ARAP3: variants seen among roughly 807,000 people sequenced by gnomAD.
The protein encoded by ARAP3 is arf-GAP with Rho-GAP domain, ANK repeat and PH domain-containing protein 3.
Under a neutral mutation model 169.2 loss-of-function variants are expected in ARAP3, and 82 were observed. That is an observed-to-expected ratio of 0.48 (90% CI 0.41 to 0.58). ARAP3 has a LOEUF of 0.58. Among genes scored for constraint, ARAP3 ranks in the 20% least tolerant of loss-of-function variants. ARAP3 has a pLI of 0.00. For synonymous variants in ARAP3, 791 were observed against 800.3 expected (o/e 0.99, Z 0.20); for missense variants, 1,764 against 2,018.0 (o/e 0.87, Z 2.41).
At position 141,673,721 on chromosome 5, in the gene ARAP3, G is replaced by A. The variant is rs370631550; in HGVS notation, c.786C>T (p.Thr262=). Reference sequence around the variant, plus strand: ...CATCACTGGTCTCCTCTGTTTCCAGGGTGGGCGATAAGAGGGTGGAGTCTC... The same window carrying A: ...CATCACTGGTCTCCTCTGTTTCCAGAGTGGGCGATAAGAGGGTGGAGTCTC... ...LPGDSTLLSP[T]LETEETSDDL... is the part of the protein sequence containing the mutation. Residue 262 remains threonine (T), a synonymous_variant, in exon 5 of 33, where the codon ACC becomes ACT. Coordinates refer to ENST00000239440, the MANE Select transcript of ARAP3 (RefSeq NM_022481.6). The A allele has an allele frequency of 5.6e-6, 9 of 1,614,082 alleles. No individual in the cohort carries two copies. The highest frequency in any genetic ancestry group is 7.6e-6 in the Non-Finnish European group (9 of 1,180,054).
chr5:141,681,592 C>T (rs1162852638), intron 1 of ARAP3, among the ~76,000 whole-genome samples: 1 of 152,152 alleles, frequency 6.6e-6, no homozygotes, highest in Non-Finnish European at 1.5e-5. Context: ...TTCTTTGTCC[C>T]TCTCCTTGTC....
In ARAP3 at chr5:141,654,422, G is replaced by T. The variant is rs1246235692; in HGVS notation, c.4163C>A (p.Ser1388Tyr). 2 of 1,585,330 alleles carry T rather than the reference G, an allele frequency of 1.3e-6. No homozygotes were observed. The highest frequency in any genetic ancestry group is 4.5e-5 in the East Asian group (2 of 44,546). Residue 1388 changes from serine to tyrosine, a missense_variant, in exon 33 of 33, where the codon TCC (serine) becomes TAC (tyrosine). By Grantham distance (144) the Ser-to-Tyr change is moderately radical (BLOSUM62 -2). Coordinates refer to ENST00000239440, the MANE Select transcript of ARAP3 (RefSeq NM_022481.6). ...TLSMFFPMKS[S>Y]QGSVEEQEEL... ...CTCTTGCTCCTCCACAGACCCCTGG[G>T]ATGACTTCATTGGCTGGATGGGAAT...
At chr5:141,655,829 G>A (rs751443149) in intron 30 of ARAP3, 40 bp downstream of exon 30, 1 of 1,614,048 alleles carries the variant, frequency 6.2e-7, no homozygotes, top group East Asian at 2.2e-5. Flanking sequence ...GGCCCCAGGG[G>A]GACCACAGAC....
At position 141,654,346 on chromosome 5, in the gene ARAP3, G is replaced by A. The variant is rs1011028530; in HGVS notation, c.4239C>T (p.Ala1413=). 4.3e-6 allele frequency: 7 copies of A among 1,614,074 alleles called. No homozygotes were observed. The highest frequency in any genetic ancestry group is 5.9e-6 in the Non-Finnish European group (7 of 1,179,990). ...YEEPVYEEVG[A]FPELIQDTST... is the part of the protein sequence containing the mutation. ...AAGTGTCCTGGATCAACTCAGGGAA[G>A]GCCCCTACTTCCTCATACACTGGCT... Residue 1413 remains alanine (A), a synonymous_variant, in exon 33 of 33, where the codon GCC becomes GCT. Coordinates refer to ENST00000239440, the MANE Select transcript of ARAP3 (RefSeq NM_022481.6).
At chr5:141,664,278 G>A (rs1056928606) in intron 19 of ARAP3, among the ~76,000 whole-genome samples, 1 of 152,154 alleles carries the variant, frequency 6.6e-6, no homozygotes, top group Admixed American at 6.5e-5. Flanking sequence ...CAGCTACTTG[G>A]GAGGCTGAGG....
At chr5:141,661,363 C>A (rs1169400759) in intron 21 of ARAP3, among the ~76,000 whole-genome samples, 1 of 152,194 alleles carries the variant, frequency 6.6e-6, no homozygotes, top group Non-Finnish European at 1.5e-5. Context: ...ACGCGCCCAG[C>A]CTTCATTTAA....
chr5:141,673,158 C>G (rs1479237353), intron 6 of ARAP3, 25 bp from the exon 7 acceptor site: 1 of 1,614,002 alleles, frequency 6.2e-7, no homozygotes, highest in South Asian at 1.1e-5. Context: ...CTCAATGACC[C>G]ATGAGGACAG....
chr5:141,681,468 AC>A (rs974616124), intron 1 of ARAP3, among the ~76,000 whole-genome samples: 10 of 150,674 alleles, frequency 6.6e-5, no homozygotes, highest in African/African-American at 2.4e-4. Context: ...CACCAGCCTG[AC>A]CCCGACCCTG....
intron 31 of ARAP3, 91 bp from the exon 32 acceptor site, chr5:141,655,491 TGAA>T: frequency 6.4e-7 from 1 of 1,566,430 alleles, no homozygotes; most frequent in South Asian, 1.1e-5. Flanking sequence ...GGAATGGGGG[TGAA>T]GAAGGCAGAA....
At position 141,670,033 on chromosome 5, in the gene ARAP3, G is replaced by A. The variant is rs767685283; in HGVS notation, c.2138C>T (p.Ala713Val). The change falls in exon 15 of 33, where the codon GCA becomes GTA. Residue 713 changes from alanine to valine, a missense_variant. Ala to Val is a moderately conservative substitution (Grantham distance 64). Transcript: ENST00000239440. Reference sequence around the variant, plus strand: ...TTCCGATGCAAACATTTCCAGAGCTGCTCCCAGCACACACCAAAGGCGCGG... The same window carrying A: ...TTCCGATGCAAACATTTCCAGAGCTACTCCCAGCACACACCAAAGGCGCGG... ...APPRLWCVLG[A>V]ALEMFASENS... The A allele has an allele frequency of 1.2e-6, 2 of 1,600,362 alleles. No homozygotes were observed. The highest frequency in any genetic ancestry group is 1.8e-5 in the Admixed American group (1 of 54,570).
chr5:141,666,924 A>G (rs933041707), intron 16 of ARAP3, among the ~76,000 whole-genome samples: 17 of 152,042 alleles, frequency 1.1e-4, no homozygotes, highest in African/African-American at 3.6e-4. Flanking sequence ...CATGCCCTTA[A>G]TTGAGGTGTG....
In ARAP3 at chr5:141,655,376, G is replaced by A; in HGVS notation, c.4135C>T (p.Leu1379=). The change falls in exon 32 of 33, where the codon CTG becomes TTG. Residue 1379 remains leucine, a synonymous_variant. Coordinates refer to ENST00000239440, the MANE Select transcript of ARAP3 (RefSeq NM_022481.6). ...TLRRLHNRRT[L]SMFFPMKSSQ... is the part of the protein sequence containing the mutation. ...ACAATACTCACAAAGAACATGGACA[G>A]GGTCCTCCGGTTGTGTAGTCGCCGC... The A allele has an allele frequency of 6.3e-7, 1 of 1,583,460 alleles. No homozygotes were observed. Among genetic ancestry groups the A allele is most frequent in the African/African-American group, 1.3e-5 (1 of 74,468 alleles).
In ARAP3 at chr5:141,679,975, G is replaced by C; in HGVS notation, c.512C>G (p.Ala171Gly). The C allele has an allele frequency of 6.2e-7, 1 of 1,614,160 alleles. No individual in the cohort carries two copies. The highest frequency in any genetic ancestry group is 8.5e-7 in the Non-Finnish European group (1 of 1,180,020). Residue 171 changes from alanine to glycine, a missense_variant, in exon 2 of 33, where the codon GCA becomes GGA. Physicochemically the swap from Ala to Gly is moderately conservative, Grantham distance 60. Coordinates refer to ENST00000239440, the MANE Select transcript of ARAP3 (RefSeq NM_022481.6). ...FGLDSRGRAQ[A>G]AQDKAPDSSQ... ...CAACTCCACTCACTTGTCCTGAGCT[G>C]CCTGTGCCCTGCCTCTTGAGTCCAG...
rs556324941 is a variant in ARAP3 at position 141,664,738 on chromosome 5, G to T, written c.2800+184C>A. ...CCATTTTACAGATGATGGAACTGAG[G>T]TTCAGAAAAGCAAAGCAGCCTGCCA... On this transcript the variant is annotated intron_variant, in intron 19 of 32. Coordinates refer to ENST00000239440, the MANE Select transcript of ARAP3 (RefSeq NM_022481.6). 4.9e-4 allele frequency among the ~76,000 whole-genome samples: 75 copies of T among 152,268 alleles called. 1 individual carries two copies. Among genetic ancestry groups the T allele is most frequent in the Non-Finnish European group, 9.0e-4 (61 of 68,016 alleles).
At position 141,680,361 on chromosome 5, in the gene ARAP3, C is replaced by T. The variant is rs1391997904; in HGVS notation, c.126G>A (p.Glu42=). 2 of 1,614,222 alleles carry T rather than the reference C, an allele frequency of 1.2e-6. No individual in the cohort carries two copies. The highest frequency in any genetic ancestry group is 1.1e-5 in the South Asian group (1 of 91,090). The stretch of plus-strand genomic sequence containing the variant: ...CGCTGATGCCCAACTGCTTCAACTC[C>T]TCGTGGCCCAGGCCCCGGGCTGCAC... ...TAGAARGLGH[E]ELKQLGISAT... Residue 42 remains glutamate, a synonymous_variant, in exon 2 of 33, where the codon GAG becomes GAA. Transcript: ENST00000239440.
At position 141,673,675 on chromosome 5, in the gene ARAP3, T is replaced by A. The variant is rs2099911753; in HGVS notation, c.832A>T (p.Ser278Cys). ...TSDDLISPYA[S>C]FSFTADRLTP... The stretch of plus-strand genomic sequence containing the variant: ...AGGCGGTCTGCCGTGAAGGAGAAGC[T>A]GGCATAGGGTGAAATGAGGTCATCA... The change falls in exon 5 of 33, where the codon AGC becomes TGC. Residue 278 changes from serine (S) to cysteine (C), a missense_variant. By Grantham distance (112) the Ser-to-Cys change is moderately radical (BLOSUM62 -1). Around this residue, in one of 3 missense-constraint regions of ARAP3, gnomAD observed 630 missense variants for 678.7 expected, o/e 0.93. Coordinates refer to ENST00000239440, the MANE Select transcript of ARAP3 (RefSeq NM_022481.6). 6.2e-7 allele frequency: 1 copy of A among 1,614,064 alleles called. No individual in the cohort carries two copies. Among genetic ancestry groups the A allele is most frequent in the Admixed American group, 1.7e-5 (1 of 60,008 alleles).
intron 25 of ARAP3, among the ~76,000 whole-genome samples, chr5:141,657,845 G>A (rs1162234903): frequency 6.6e-6 from 1 of 152,098 alleles, no homozygotes; most frequent in African/African-American, 2.4e-5. Flanking sequence ...TTGAGGAAAG[G>A]GGACTAGACA....
chr5:141,655,786 A>G, intron 30 of ARAP3, 28 bp from the exon 31 acceptor site: 1 of 1,614,186 alleles, frequency 6.2e-7, no homozygotes. Flanking sequence ...GGTTGGCATC[A>G]GTGGGCATGA....
Position 141,655,894 on chromosome 5 carries a change from C to A in ARAP3, c.3947G>T (p.Trp1316Leu). ...CTGGGCTTTAAGGATGCTGGTGGTC[C>A]AATCCCACATTTCATCCTCGTCAGT... is the stretch of plus-strand genomic sequence containing the variant. ...SCTDEDEMWDWTTSILKAQHD... is the reference protein window; with the variant it reads ...SCTDEDEMWDLTTSILKAQHD... Residue 1316 changes from tryptophan to leucine, a missense_variant, in exon 30 of 33, where the codon TGG (tryptophan) becomes TTG (leucine). Trp to Leu is a moderately conservative substitution (Grantham distance 61, BLOSUM62 -2). Around this residue, in one of 3 missense-constraint regions of ARAP3, gnomAD observed 1,112 missense variants for 1,285.7 expected, o/e 0.86. Transcript: ENST00000239440. 1 of 1,613,962 alleles carries A rather than the reference C, an allele frequency of 6.2e-7. No individual in the cohort carries two copies. The highest frequency in any genetic ancestry group is 8.5e-7 in the Non-Finnish European group (1 of 1,179,902).
Sources: allele counts gnomAD v4.1 joint callset (sites outside exome capture counted in the v4.1 genomes callset), GRCh38; gene constraint gnomAD v4.1.1; regional missense constraint gnomAD v4.1.1; transcripts MANE v1.5; gene names NCBI Gene and HGNC (gene_info 2026-07-23, HGNC 2026-07-21).